VPS13B: variants seen among roughly 807,000 people sequenced by gnomAD.
The protein encoded by VPS13B is intermembrane lipid transfer protein VPS13B.
Under a neutral mutation model 426.4 loss-of-function variants are expected in VPS13B, and 285 were observed. The ratio of observed to expected loss-of-function variants is 0.67; its 90% confidence interval spans 0.61 to 0.74. The LOEUF (loss-of-function observed/expected upper bound fraction) is 0.74. VPS13B is among the 30% of genes least tolerant of loss of function. The probability of loss-of-function intolerance (pLI) is 0.00; values close to 1 mark genes in which losing one functional copy is unlikely to be tolerated. For synonymous variants in VPS13B, 1,676 were observed against 1,676.4 expected, an observed-to-expected ratio of 1.00 and a Z score of 0.01; for missense variants, 4,537 against 4,782.6, an observed-to-expected ratio of 0.95 and a Z score of 1.51.
chr8:99,816,108 CT>C (rs35101856), intron 44 of VPS13B, among the ~76,000 whole-genome samples: 21,262 of 141,504 alleles, frequency 0.15, 1,481 homozygotes, highest in African/African-American at 0.17. Flanking sequence ...CTCTCTCTCT[CT>C]TTTTTTTTTT....
chr8:99,050,969 A>G (rs1358560198), intron 3 of VPS13B, among the ~76,000 whole-genome samples: 2 of 151,826 alleles, frequency 1.3e-5, no homozygotes, highest in African/African-American at 2.4e-5. Flanking sequence ...TTTTTTTCCC[A>G]TTCTGTAGGT....
At chr8:99,749,193 T>C (rs1810267575) in intron 39 of VPS13B, among the ~76,000 whole-genome samples, 1 of 152,042 alleles carries the variant, frequency 6.6e-6, no homozygotes, top group Non-Finnish European at 1.5e-5. Flanking sequence ...ACAGGGTAAA[T>C]GCAATAACCA....
chr8:99,316,647 G>T (rs1225934665), intron 19 of VPS13B, among the ~76,000 whole-genome samples: 1 of 152,124 alleles, frequency 6.6e-6, no homozygotes, highest in African/African-American at 2.4e-5. Flanking sequence ...GCCGGTCCCA[G>T]TCAAGCATGC....
chr8:99,399,601 C>T (rs1814924577), intron 21 of VPS13B, among the ~76,000 whole-genome samples: 1 of 151,992 alleles, frequency 6.6e-6, no homozygotes, highest in Admixed American at 6.6e-5. Context: ...ATGAAGCATC[C>T]TTCGGTCATC....
intron 17 of VPS13B, among the ~76,000 whole-genome samples, chr8:99,273,160 T>A (rs61387340): frequency 0.026 from 3,114 of 121,856 alleles, 118 homozygotes; most frequent in African/African-American, 0.093. Flanking sequence ...ACTCAGGTAG[T>A]TTTTTTTTTT....
chr8:99,061,604 C>T (rs757289866), intron 3 of VPS13B, among the ~76,000 whole-genome samples: 8 of 151,984 alleles, frequency 5.3e-5, no homozygotes, highest in South Asian at 2.1e-4. Context: ...TTTTAGCATT[C>T]TATTTTCTCT....
chr8:99,134,770 C>T (rs1385269905), intron 9 of VPS13B, 43 bp downstream of exon 9: 4 of 1,481,848 alleles, frequency 2.7e-6, no homozygotes, highest in Middle Eastern at 1.8e-4. Flanking sequence ...ATATTTTGTT[C>T]TTTAATATTT....
At chr8:99,333,542 T>C (rs1278464565) in intron 19 of VPS13B, among the ~76,000 whole-genome samples, 2 of 151,914 alleles carry the variant, frequency 1.3e-5, no homozygotes. Context: ...TATTTAATTA[T>C]ATGTAGTTTT....
At position 99,128,386 on chromosome 8, in the gene VPS13B, CAAAAAAAAAAAAAAAAAAAAAAAA is replaced by C. The variant is rs71273165; in HGVS notation, c.1207-6228_1207-6205del. Among the ~76,000 whole-genome samples, 28 of 34,222 alleles carry C rather than the reference CAAAAAAAAAAAAAAAAAAAAAAAA, an allele frequency of 8.2e-4. No homozygotes were observed. The South Asian group carries it at 0.014, about 18-fold the overall frequency. The allele number at this position is 34,222 out of a possible 152,430, so 22.5% of individuals were successfully genotyped here. On this transcript the variant is annotated intron_variant, in intron 8 of 61. Coordinates refer to ENST00000357162, the MANE Select transcript of VPS13B (RefSeq NM_152564.5). The stretch of plus-strand genomic sequence containing the variant: ...TGGGTGACAGAGCAAGATACTGTCC[CAAAAAAAAAAAAAAAAAAAAAAAA>C]AAAAAAAAAAAAAAAAATTTGTTGT...
intron 35 of VPS13B, chr8:99,696,891 C>G (rs1269511547): frequency 2.6e-6 from 2 of 779,438 alleles, no homozygotes; most frequent in African/African-American, 3.4e-5. Flanking sequence ...TTCTGCGGTT[C>G]CAGCTCACCA....
intron 17 of VPS13B, 141 bp from the exon 18 acceptor site, chr8:99,274,054 CTAA>C (rs1818758761): frequency 3.4e-6 from 4 of 1,189,580 alleles, no homozygotes; most frequent in Admixed American, 2.1e-5. Flanking sequence ...CTCTGAAATA[CTAA>C]ACTATGAAAC....
intron 21 of VPS13B, among the ~76,000 whole-genome samples, chr8:99,393,169 A>G (rs1401083948): frequency 6.6e-6 from 1 of 152,106 alleles, no homozygotes; most frequent in Non-Finnish European, 1.5e-5. Context: ...AAATGCTTAT[A>G]ATGTAAATGA....
At chr8:99,720,003 A>G (rs1833073848) in intron 37 of VPS13B, among the ~76,000 whole-genome samples, 1 of 152,154 alleles carries the variant, frequency 6.6e-6, no homozygotes, top group South Asian at 2.1e-4. Context: ...TTTGGCCTAG[A>G]GGATCTTCAT....
chr8:99,134,525 T>C, intron 8 of VPS13B, 107 bp from the exon 9 acceptor site: 1 of 879,862 alleles, frequency 1.1e-6, no homozygotes, highest in Non-Finnish European at 1.7e-6. Context: ...TATTTAAATT[T>C]CCTGAATCTT....
chr8:99,395,605 C>T (rs1588328269), intron 21 of VPS13B, among the ~76,000 whole-genome samples: 1 of 152,238 alleles, frequency 6.6e-6, no homozygotes, highest in Non-Finnish European at 1.5e-5. Flanking sequence ...GTAACTGTTA[C>T]TGTTAAAAGG....
chr8:99,040,621 A>G (rs1485477531), intron 3 of VPS13B, among the ~76,000 whole-genome samples: 2 of 152,204 alleles, frequency 1.3e-5, no homozygotes, highest in Non-Finnish European at 2.9e-5. Context: ...TTAAGCAGGT[A>G]CTAGTAAAAC....
intron 33 of VPS13B, among the ~76,000 whole-genome samples, chr8:99,612,444 G>A (rs1033910098): frequency 2.4e-4 from 36 of 152,110 alleles, no homozygotes; most frequent in Admixed American, 1.3e-4. Context: ...TTACTACTAT[G>A]CCACAATACT....
chr8:99,504,577 GGATTTTTTTTTTCTA>G (rs1411829518), intron 27 of VPS13B, among the ~76,000 whole-genome samples: 1 of 152,076 alleles, frequency 6.6e-6, no homozygotes. Flanking sequence ...CATTTACAAA[GGATTTTTTTTTTCTA>G]CACAAGCAGT....
In VPS13B at chr8:99,179,765, G is replaced by A. The variant is rs182925513; in HGVS notation, c.2333+9602G>A. On this transcript the variant is annotated intron_variant, in intron 16 of 61. Coordinates refer to ENST00000357162, the MANE Select transcript of VPS13B (RefSeq NM_152564.5). ...GGGGCACGTTTATCGTGAAAACCTC[G>A]CATCTGTTGTAGACATGAGTAAATA... is the stretch of plus-strand genomic sequence containing the variant. Among the ~76,000 whole-genome samples, 140 of 152,162 alleles carry A rather than the reference G, an allele frequency of 9.2e-4. 1 individual carries two copies. The highest frequency in any genetic ancestry group is 2.8e-3 in the African/African-American group (117 of 41,508).
Sources: allele counts gnomAD v4.1 joint callset (sites outside exome capture counted in the v4.1 genomes callset), GRCh38; gene constraint gnomAD v4.1.1; transcripts MANE v1.5; gene names NCBI Gene and HGNC (gene_info 2026-07-23, HGNC 2026-07-21).